The following NRG2 variants were observed in gnomAD, a reference collection of about 807,000 sequenced individuals.
NRG2 encodes the protein pro-neuregulin-2, membrane-bound isoform.
A neutral mutation model predicts 73.9 loss-of-function variants in NRG2; 27 were observed. The ratio of observed to expected loss-of-function variants is 0.37; its 90% CI spans 0.27 to 0.50. The LOEUF (loss-of-function observed/expected upper bound fraction) is 0.50. Ranked by LOEUF, NRG2 falls within the 20% of genes least tolerant of loss-of-function variation. NRG2 has a pLI of 0.96. For missense variants in NRG2, 1,126 were observed against 1,210.1 expected (o/e 0.93, Z 1.03); for synonymous variants, 532 against 541.0 (o/e 0.98, Z 0.23).
At chr5:139,933,680 G>A (rs1054242562) in intron 1 of NRG2, among the ~76,000 whole-genome samples, 2 of 152,134 alleles carry the variant, frequency 1.3e-5, no homozygotes, top group African/African-American at 4.8e-5. Context: ...GTAATTGATA[G>A]GTTAGTTAGA....
At chr5:139,943,051 G>A (rs950358651) in intron 1 of NRG2, among the ~76,000 whole-genome samples, 2 of 152,200 alleles carry the variant, frequency 1.3e-5, no homozygotes, top group African/African-American at 4.8e-5. Context: ...ATGTTGGCCA[G>A]GCTGGTCTTG....
Position 139,887,770 on chromosome 5 carries a change from T to C in NRG2, c.701-259A>G, listed in dbSNP as rs1486874318. ...TGGTATGAAGCTTTACATTAGCTTA[T>C]GAAACCTTCACAGTAACCCCATGAG... On this transcript the variant is annotated intron_variant, in intron 1 of 9. Transcript: ENST00000361474. This position sits in a 1 kb window ranked among gnomAD's most constrained non-coding sequence, Gnocchi z 4.5. Among the ~76,000 whole-genome samples, 1 of 152,182 alleles carries C rather than the reference T, an allele frequency of 6.6e-6. No individual in the cohort carries two copies. Among genetic ancestry groups the C allele is most frequent in the Non-Finnish European group, 1.5e-5 (1 of 68,036 alleles).
chr5:139,942,212 G>C (rs1366200128), intron 1 of NRG2, among the ~76,000 whole-genome samples: 2 of 152,144 alleles, frequency 1.3e-5, no homozygotes, highest in African/African-American at 2.4e-5. Context: ...GCACAGAACT[G>C]TCAATGGTTA....
intron 1 of NRG2, among the ~76,000 whole-genome samples, chr5:140,016,572 C>T (rs1319921239): frequency 6.6e-6 from 1 of 152,180 alleles, no homozygotes; most frequent in African/African-American, 2.4e-5. Flanking sequence ...AGTCTCTGCC[C>T]TCAGGAGCTT....
chr5:139,880,346 G>C (rs895785775), intron 3 of NRG2, among the ~76,000 whole-genome samples: 1 of 152,206 alleles, frequency 6.6e-6, no homozygotes. Flanking sequence ...ACTTCAAGGA[G>C]TGAGGATGGC....
intron 1 of NRG2, among the ~76,000 whole-genome samples, chr5:140,040,661 T>C (rs554026658): frequency 6.6e-6 from 1 of 152,334 alleles, no homozygotes; most frequent in South Asian, 2.1e-4. Context: ...AAACAGAAGC[T>C]GTCCTTGGAC....
intron 1 of NRG2, among the ~76,000 whole-genome samples, chr5:140,000,558 C>A (rs1168555386): frequency 6.6e-6 from 1 of 152,248 alleles, no homozygotes; most frequent in African/African-American, 2.4e-5. Flanking sequence ...GGCGGGCAGG[C>A]AGGCGGAATG....
chr5:139,916,803 A>T (rs963579813), intron 1 of NRG2, among the ~76,000 whole-genome samples: 4 of 152,214 alleles, frequency 2.6e-5, no homozygotes, highest in African/African-American at 9.7e-5. Context: ...TCATCAGTTG[A>T]TGGACATTTG....
rs933769137 is a variant in NRG2, at chr5:139,848,469, GCCGGGCCCGGGCCCGGGC to G, written c.1983_2000del (p.Pro662_Gly667del). The G allele has an allele frequency of 3.5e-5, 47 of 1,336,780 alleles. No individual in the cohort carries two copies. Among genetic ancestry groups the G allele is most frequent in the Middle Eastern group, 2.8e-4 (1 of 3,630 alleles). 82.8% of individuals were successfully genotyped at this position (1,336,780 alleles called of 1,614,324 possible). ...TGTCATAGCTGCGCTGCATGTCTGC[GCCGGGCCCGGGCCCGGGC>G]CCGGGTCCGGGTCCCGGGCCGGGGG... On this transcript the variant is annotated inframe_deletion, in exon 10 of 10. Transcript: ENST00000361474.
chr5:139,871,735 G>A lies in NRG2; in HGVS notation c.1098C>T (p.Asn366=). ...TGGTCACTTACTTGCAGGAGAGCTG[G>A]TTGATGCCCTCGATGTAGTAGCAGA... The part of the protein sequence containing the change: ...GGVCYYIEGI[N]QLSCKCPNGF... Residue 366 remains asparagine (N), a synonymous_variant, in exon 4 of 10, where the codon AAC becomes AAT. Transcript: ENST00000361474. 2 of 1,614,102 alleles carry A rather than the reference G, an allele frequency of 1.2e-6. No homozygotes were observed. Among genetic ancestry groups the A allele is most frequent in the African/African-American group, 1.3e-5 (1 of 75,040 alleles).
chr5:139,943,207 C>T (rs1010804146), intron 1 of NRG2, among the ~76,000 whole-genome samples: 22 of 151,866 alleles, frequency 1.4e-4, no homozygotes, highest in Admixed American at 9.8e-4. Context: ...AGTGCAATGG[C>T]GCGATCTCGG....
chr5:139,963,170 C>T (rs564694291), intron 1 of NRG2, among the ~76,000 whole-genome samples: 41 of 152,228 alleles, frequency 2.7e-4, no homozygotes, highest in Non-Finnish European at 4.8e-4. Flanking sequence ...AACACTTTGA[C>T]CTCCATAAAG....
intron 1 of NRG2, among the ~76,000 whole-genome samples, chr5:140,034,178 T>A (rs144255398): frequency 7.2e-4 from 110 of 152,284 alleles, no homozygotes; most frequent in African/African-American, 2.5e-3. Flanking sequence ...GCCAGGATGG[T>A]CTCGATCTCC....
intron 1 of NRG2, among the ~76,000 whole-genome samples, chr5:139,907,803 G>A (rs114092339): frequency 1.0e-3 from 156 of 152,292 alleles, no homozygotes; most frequent in African/African-American, 3.5e-3. Flanking sequence ...AGTGGGATAC[G>A]ACAAAGATCT....
rs552443584 is a variant in NRG2 at position 139,868,315 on chromosome 5, C to A, written c.1113-2690G>T. Among the ~76,000 whole-genome samples the A allele has an allele frequency of 6.6e-6, 1 of 152,098 alleles. No homozygotes were observed. Among genetic ancestry groups the A allele is most frequent in the South Asian group, 2.1e-4 (1 of 4,816 alleles). On this transcript the variant is annotated intron_variant, in intron 4 of 9. Coordinates refer to ENST00000361474, the MANE Select transcript of NRG2 (RefSeq NM_004883.3). This position sits in a 1 kb window ranked among gnomAD's most constrained non-coding sequence, Gnocchi z 4.2. Reference sequence around the variant, plus strand: ...CTGGGCCTATAGCCTCTCTAACCTGCACCTAATACCAGGGTAAGAGAGTAT... The same window carrying A: ...CTGGGCCTATAGCCTCTCTAACCTGAACCTAATACCAGGGTAAGAGAGTAT...
chr5:139,971,240 A>G (rs1387340578), intron 1 of NRG2, among the ~76,000 whole-genome samples: 2 of 152,176 alleles, frequency 1.3e-5, no homozygotes, highest in Non-Finnish European at 2.9e-5. Context: ...TTAACACCCT[A>G]GCTCCTCCAC....
chr5:139,912,846 T>C (rs1399037302), intron 1 of NRG2, among the ~76,000 whole-genome samples: 1 of 152,246 alleles, frequency 6.6e-6, no homozygotes, highest in African/African-American at 2.4e-5. Context: ...CAACGTGTAC[T>C]TACCTGTGAA....
At chr5:139,919,954 T>C (rs990764652) in intron 1 of NRG2, among the ~76,000 whole-genome samples, 5 of 152,214 alleles carry the variant, frequency 3.3e-5, no homozygotes, top group Non-Finnish European at 5.9e-5. Flanking sequence ...ATAAGTTTTG[T>C]TCCTGTAAAC....
chr5:139,995,426 A>G lies in NRG2; in HGVS notation c.700+46944T>C, dbSNP rs371466889. 7.6e-4 allele frequency among the ~76,000 whole-genome samples: 116 copies of G among 152,322 alleles called. 1 individual carries two copies. In the East Asian group the frequency reaches 0.019, roughly 24 times the overall value. ...GAAGAAAGTGGATTTAAAAAAAAATAGAGCCGCCACAGACGCAGACGGGCA... is the reference window on the plus strand; with the variant it reads ...GAAGAAAGTGGATTTAAAAAAAAATGGAGCCGCCACAGACGCAGACGGGCA... On this transcript the variant is annotated intron_variant, in intron 1 of 9. Transcript: ENST00000361474.
Sources: gnomAD v4.1 joint callset for allele counts (sites outside exome capture counted in the v4.1 genomes callset) on GRCh38, gnomAD v4.1.1 for gene constraint, Gnocchi (gnomAD v3.1) non-coding constraint, MANE v1.5 for transcripts, NCBI Gene and HGNC (gene_info 2026-07-23, HGNC 2026-07-21) for gene names.